ITPR1: variants seen among roughly 807,000 people sequenced by gnomAD.
ITPR1 encodes the protein inositol 1,4,5-trisphosphate-gated calcium channel ITPR1.
In ITPR1, 96 loss-of-function variants were observed where a neutral mutation model predicts 318.4. The observed-to-expected ratio is 0.30, with a 90% CI of 0.26 to 0.36. The LOEUF is 0.36. Ranked by LOEUF, ITPR1 falls within the 10% of genes least tolerant of loss-of-function variation. The probability of loss-of-function intolerance (pLI) is 1.00; values close to 1 mark genes in which losing one functional copy is unlikely to be tolerated. For synonymous variants in ITPR1, 1,312 were observed against 1,289.9 expected, an observed-to-expected ratio of 1.02 and a Z score of -0.37; for missense variants, 2,440 against 3,460.2, an observed-to-expected ratio of 0.71 and a Z score of 7.40.
At chr3:4,539,312 C>A (rs1446268741) in intron 4 of ITPR1, among the ~76,000 whole-genome samples, 1 of 152,258 alleles carries the variant, frequency 6.6e-6, no homozygotes, top group Non-Finnish European at 1.5e-5. Flanking sequence ...CAGTCCTTTA[C>A]AACTTGAGAG....
In ITPR1 at chr3:4,818,018, A is replaced by G. The variant is rs2049422400; in HGVS notation, c.7868-64A>G. On this transcript the variant is annotated intron_variant, in intron 59 of 61. Transcript: ENST00000649015. ...CCCCCTTTCTACTGACAGTTCTGTT[A>G]TTGATTTTTTTTCTTTACCAAGGCT... 2.9e-6 allele frequency: 4 copies of G among 1,400,946 alleles called. No homozygotes were observed. In the Admixed American group the frequency reaches 6.9e-5, roughly 24 times the overall value. 86.8% of individuals were successfully genotyped at this position (1,400,946 alleles called of 1,614,324 possible). A position where few individuals can be genotyped will look rare whatever the true frequency, so the allele number is the denominator to read the frequency against.
intron 44 of ITPR1, among the ~76,000 whole-genome samples, chr3:4,762,302 T>G (rs2045511309): frequency 6.6e-6 from 1 of 152,234 alleles, no homozygotes; most frequent in Non-Finnish European, 1.5e-5. Flanking sequence ...AAGCAGTCAG[T>G]GAGTGTTAGC....
rs183436500 is a variant in ITPR1 at position 4,624,143 on chromosome 3, T to C, written c.164-3620T>C. ...CCCCACATCTACCTAAATCAGTTTT[T>C]TGGGAATGCATACCACTTAGTGTCA... is the stretch of plus-strand genomic sequence containing the variant. On this transcript the variant is annotated intron_variant, in intron 4 of 61. Transcript: ENST00000649015. 4.1e-3 allele frequency among the ~76,000 whole-genome samples: 620 copies of C among 152,270 alleles called. 3 individuals are homozygous for C. Among genetic ancestry groups the C allele is most frequent in the African/African-American group, 0.014 (582 of 41,550 alleles).
intron 30 of ITPR1, 45 bp downstream of exon 30, chr3:4,685,251 G>C: frequency 6.5e-7 from 1 of 1,538,178 alleles, no homozygotes; most frequent in Non-Finnish European, 8.7e-7. Flanking sequence ...GGATGGGGCG[G>C]ATCCCTGGGT....
chr3:4,493,498 A>G lies in ITPR1; in HGVS notation c.-200A>G, dbSNP rs2080298176. ...GAGGAGGTGTGGGTGTTCCGCTTCC[A>G]TCCTAACGGAACGAGCTCCCTCTTC... On this transcript the variant is annotated 5_prime_UTR_variant, in exon 1 of 62. Coordinates refer to ENST00000649015, the MANE Select transcript of ITPR1 (RefSeq NM_001378452.1). The G allele has an allele frequency of 6.5e-6, 1 of 153,686 alleles. No homozygotes were observed. The highest frequency in any genetic ancestry group is 2.4e-5 in the African/African-American group (1 of 41,412). 9.5% of individuals were successfully genotyped at this position (153,686 alleles called of 1,614,324 possible).
chr3:4,566,461 T>C (rs938299972), intron 4 of ITPR1, among the ~76,000 whole-genome samples: 2 of 152,036 alleles, frequency 1.3e-5, no homozygotes, highest in Non-Finnish European at 2.9e-5. Context: ...TCTGAATAAA[T>C]AAAGAGCTTA....
At chr3:4,571,741 C>T (rs2088018474) in intron 4 of ITPR1, among the ~76,000 whole-genome samples, 1 of 152,132 alleles carries the variant, frequency 6.6e-6, no homozygotes. Flanking sequence ...TTGAAGATTA[C>T]CATAAACAGA....
chr3:4,724,262 A>T (rs918928355), intron 40 of ITPR1: 2 of 152,136 alleles, frequency 1.3e-5, no homozygotes, highest in African/African-American at 2.4e-5. Context: ...TCTTTCTTTC[A>T]TTTTCTCTGT....
intron 10 of ITPR1, among the ~76,000 whole-genome samples, chr3:4,650,314 G>T (rs533943217): frequency 1.3e-5 from 2 of 152,300 alleles, no homozygotes; most frequent in African/African-American, 4.8e-5. Context: ...TCCACAGTGA[G>T]TGGCTGCACC....
intron 38 of ITPR1, among the ~76,000 whole-genome samples, chr3:4,711,178 T>C (rs556554302): frequency 1.6e-5 from 2 of 124,110 alleles, no homozygotes; most frequent in African/African-American, 6.2e-5. Context: ...GCTACTGCAC[T>C]CCAGCCTGGG....
chr3:4,758,720 T>C (rs2045209969), intron 44 of ITPR1, among the ~76,000 whole-genome samples: 1 of 152,192 alleles, frequency 6.6e-6, no homozygotes, highest in Non-Finnish European at 1.5e-5. Context: ...AAAACACACC[T>C]GGCTAGGCAG....
chr3:4,630,767 T>G (rs1451803170), intron 5 of ITPR1, among the ~76,000 whole-genome samples: 1 of 151,920 alleles, frequency 6.6e-6, no homozygotes, highest in Non-Finnish European at 1.5e-5. Flanking sequence ...TTTGTAGTTT[T>G]AGTAGAGGCA....
At chr3:4,623,337 C>G (rs759815665) in intron 4 of ITPR1, among the ~76,000 whole-genome samples, 2 of 152,238 alleles carry the variant, frequency 1.3e-5, no homozygotes, top group East Asian at 3.8e-4. Context: ...TTCTCCTTTG[C>G]TAACTCAATG....
At chr3:4,769,875 G>A (rs996421012) in intron 46 of ITPR1, among the ~76,000 whole-genome samples, 3 of 152,214 alleles carry the variant, frequency 2.0e-5, no homozygotes, top group East Asian at 1.9e-4. Flanking sequence ...TCTTTCTTCC[G>A]AATGGGTCTG....
At chr3:4,723,385 C>CA (rs1031080406) in intron 40 of ITPR1, among the ~76,000 whole-genome samples, 17 of 152,074 alleles carry the variant, frequency 1.1e-4, no homozygotes, top group African/African-American at 4.1e-4. Context: ...CTTGAAGATG[C>CA]AAAGCATCCT....
intron 44 of ITPR1, among the ~76,000 whole-genome samples, chr3:4,761,125 TTTTG>T (rs2045411488): frequency 2.0e-5 from 3 of 152,212 alleles, no homozygotes; most frequent in Admixed American, 2.0e-4. Context: ...GCAACCACCA[TTTTG>T]GTGTTTTTTT....
intron 34 of ITPR1, among the ~76,000 whole-genome samples, 199 bp downstream of exon 34, chr3:4,697,471 A>ATTTTTTTTTTTTTT: frequency 2.5e-5 from 1 of 39,410 alleles, no homozygotes; most frequent in African/African-American, 1.1e-4. Context: ...TTTTTTTTTG[A>ATTTTTTTTTTTTTT]GCTGGAGTCT....
chr3:4,697,008 C>G, intron 33 of ITPR1, 139 bp from the exon 34 acceptor site: 1 of 640,468 alleles, frequency 1.6e-6, no homozygotes, highest in Non-Finnish European at 2.6e-6. Context: ...TTTCAAATAT[C>G]AGAAAATCAT....
chr3:4,763,595 A>G (rs1360057117), intron 44 of ITPR1, among the ~76,000 whole-genome samples: 1 of 152,198 alleles, frequency 6.6e-6, no homozygotes, highest in East Asian at 1.9e-4. Flanking sequence ...TGTGTCTTCT[A>G]GACCTTATTA....
Sources: gnomAD v4.1 joint callset for allele counts (sites outside exome capture counted in the v4.1 genomes callset) on GRCh38, gnomAD v4.1.1 for gene constraint, MANE v1.5 for transcripts, NCBI Gene and HGNC (gene_info 2026-07-23, HGNC 2026-07-21) for gene names.